Variants in SV2C observed in about 807,000 individuals in gnomAD.
SV2C encodes synaptic vesicle glycoprotein 2C, also known as solute carrier family 22 member B3.
Under a neutral mutation model 79.7 loss-of-function variants are expected in SV2C, and 49 were observed. The observed-to-expected ratio is 0.61, with a 90% CI of 0.49 to 0.78. SV2C has a LOEUF of 0.78. Among genes scored for constraint, SV2C ranks in the 30% least tolerant of loss-of-function variants. The probability of loss-of-function intolerance (pLI) is 0.00; values close to 1 mark genes in which losing one functional copy is unlikely to be tolerated. For missense variants in SV2C, 833 were observed against 912.9 expected (o/e 0.91, Z 1.13); for synonymous variants, 334 against 333.2 (o/e 1.00, Z -0.03).
the SV2C span, among the ~76,000 whole-genome samples, chr5:75,870,549 T>C: frequency 6.6e-6 from 1 of 152,102 alleles, no homozygotes; most frequent in East Asian, 1.9e-4. Flanking sequence ...CTAAGAGTTA[T>C]TGGCCTTAAA....
chr5:76,173,044 A>T (rs1227906893), intron 2 of SV2C, among the ~76,000 whole-genome samples: 13 of 118,100 alleles, frequency 1.1e-4, no homozygotes, highest in Non-Finnish European at 1.8e-4. Flanking sequence ...AATTATCAAT[A>T]AAAAAATAAA....
chr5:76,079,724 G>A (rs755441681), upstream of SV2C: 11 of 279,602 alleles, frequency 3.9e-5, no homozygotes, highest in East Asian at 1.0e-4. Flanking sequence ...TTCAAACTTC[G>A]AATTGTGGGT....
intron 12 of SV2C, among the ~76,000 whole-genome samples, chr5:76,302,498 C>T (rs1195409379): frequency 6.6e-6 from 1 of 151,708 alleles, no homozygotes; most frequent in Non-Finnish European, 1.5e-5. Flanking sequence ...GGCATGGCGG[C>T]GGGTGCCTGT....
the SV2C span, among the ~76,000 whole-genome samples, chr5:75,860,331 TA>T: frequency 1.3e-5 from 2 of 152,202 alleles, no homozygotes; most frequent in Non-Finnish European, 2.9e-5. Context: ...GGTGCAAAAG[TA>T]ATTGCGGTTT....
At chr5:76,225,949 A>G (rs894168726) in intron 4 of SV2C, among the ~76,000 whole-genome samples, 1 of 152,180 alleles carries the variant, frequency 6.6e-6, no homozygotes, top group African/African-American at 2.4e-5. Context: ...TTCTAGGCTA[A>G]GGTTGGACTG....
intron 1 of SV2C, among the ~76,000 whole-genome samples, chr5:76,121,426 G>A (rs1291341609): frequency 1.3e-5 from 2 of 151,214 alleles, no homozygotes; most frequent in Non-Finnish European, 2.9e-5. Context: ...TGGTGTTTTA[G>A]ACATGAAGTC....
At chr5:75,921,792 G>A in the SV2C span, 14 of 293,522 alleles carry the variant, frequency 4.8e-5, no homozygotes, top group Non-Finnish European at 8.6e-5. Flanking sequence ...GGATTGTTGT[G>A]AAGATTTAAT....
At chr5:76,091,931 C>CA (rs1747392070) in intron 1 of SV2C, 2 of 152,246 alleles carry the variant, frequency 1.3e-5, no homozygotes, top group East Asian at 3.9e-4. Context: ...CTATCAGAAC[C>CA]TGATCACATT....
the SV2C span, among the ~76,000 whole-genome samples, chr5:75,961,981 G>A: frequency 3.3e-5 from 5 of 152,184 alleles, no homozygotes; most frequent in African/African-American, 9.6e-5. Flanking sequence ...TGTGCTGAGT[G>A]ACATTCAGAT....
At chr5:76,233,344 G>A in intron 4 of SV2C, among the ~76,000 whole-genome samples, 3 of 138,638 alleles carry the variant, frequency 2.2e-5, no homozygotes, top group African/African-American at 9.9e-5. Context: ...TTTGGGCTGA[G>A]ACAATGGGGT....
chr5:76,018,286 A>G, the SV2C span, among the ~76,000 whole-genome samples: 1 of 152,146 alleles, frequency 6.6e-6, no homozygotes, highest in Non-Finnish European at 1.5e-5. Context: ...TATTTATTTC[A>G]TATGTCATAT....
intron 1 of SV2C, among the ~76,000 whole-genome samples, chr5:76,121,744 C>T (rs1432908781): frequency 2.0e-5 from 3 of 151,812 alleles, no homozygotes; most frequent in Non-Finnish European, 4.4e-5. Context: ...GTTTTGGTAC[C>T]AGTACCATGC....
chr5:76,266,933 A>G (rs577782001), intron 4 of SV2C, among the ~76,000 whole-genome samples: 2 of 152,360 alleles, frequency 1.3e-5, no homozygotes, highest in South Asian at 4.1e-4. Context: ...GCTCCAGTTC[A>G]GAGCCTGCAC....
intron 12 of SV2C, among the ~76,000 whole-genome samples, chr5:76,317,911 TAATA>T (rs2112555211): frequency 6.6e-6 from 1 of 152,246 alleles, no homozygotes; most frequent in South Asian, 2.1e-4. Flanking sequence ...AAACAATGGC[TAATA>T]GTCACATGGT....
chr5:76,218,756 A>C (rs1021030572), intron 4 of SV2C, among the ~76,000 whole-genome samples: 2 of 6,928 alleles, frequency 2.9e-4, no homozygotes, highest in African/African-American at 1.3e-3. Flanking sequence ...CCCAGAACTC[A>C]AAGTAAAATA....
chr5:76,037,038 A>G, the SV2C span, among the ~76,000 whole-genome samples: 10 of 152,106 alleles, frequency 6.6e-5, no homozygotes, highest in Non-Finnish European at 1.0e-4. Context: ...TGATCGCATC[A>G]GCTCCTGAGG....
chr5:75,904,263 C>G, the SV2C span, among the ~76,000 whole-genome samples: 1 of 151,986 alleles, frequency 6.6e-6, no homozygotes, highest in Non-Finnish European at 1.5e-5. Flanking sequence ...TTGCTGACAA[C>G]AGGTCTTTGG....
chr5:76,056,388 AT>A, the SV2C span, among the ~76,000 whole-genome samples: 1 of 151,874 alleles, frequency 6.6e-6, no homozygotes, highest in South Asian at 2.1e-4. Flanking sequence ...GCTGGATTCC[AT>A]TTGTCAGTAT....
At chr5:76,037,755 G>C in the SV2C span, among the ~76,000 whole-genome samples, 4 of 152,386 alleles carry the variant, frequency 2.6e-5, no homozygotes, top group East Asian at 3.9e-4. Context: ...AGGCCTCCTT[G>C]AGCTGTGGTG....
Sources: gnomAD v4.1 joint callset for allele counts (sites outside exome capture counted in the v4.1 genomes callset) on GRCh38, gnomAD v4.1.1 for gene constraint, MANE v1.5 for transcripts, NCBI Gene and HGNC (gene_info 2026-07-23, HGNC 2026-07-21) for gene names.